CLEC17A: variants seen among roughly 807,000 people sequenced by gnomAD.
The protein encoded by CLEC17A is C-type lectin domain containing 17A.
Under a neutral mutation model 61.3 loss-of-function variants are expected in CLEC17A, and 37 were observed. The observed-to-expected ratio is 0.60, with a 90% CI of 0.46 to 0.79. The LOEUF (loss-of-function observed/expected upper bound fraction) is 0.79, where lower values mean the gene tolerates loss of function less well. Ranked by LOEUF, CLEC17A falls within the 30% of genes least tolerant of loss-of-function variation. The pLI is 0.00. For synonymous variants in CLEC17A, 168 were observed against 164.9 expected (o/e 1.02, Z -0.14); for missense variants, 418 against 464.7 (o/e 0.90, Z 0.92).
chr19:14,583,764 A>T lies in CLEC17A; in HGVS notation c.121+330A>T, dbSNP rs369163953. Among the ~76,000 whole-genome samples the T allele has an allele frequency of 1.4e-4, 22 of 152,216 alleles. No homozygotes were observed. In the East Asian group the frequency reaches 2.9e-3, roughly 20 times the overall value. ...TAAGAAGAGAAGTCCAGGAGAGAAC[A>T]GTTAGGTGCAAAGTCTCTGAGTTAC... On this transcript the variant is annotated intron_variant, in intron 2 of 13. Coordinates refer to ENST00000417570, the MANE Select transcript of CLEC17A (RefSeq NM_001204118.2).
chr19:14,588,011 A>G (rs2074326757), intron 3 of CLEC17A, among the ~76,000 whole-genome samples: 1 of 152,160 alleles, frequency 6.6e-6, no homozygotes, highest in Non-Finnish European at 1.5e-5. Context: ...AGAGAAGTCC[A>G]GGAGAGAACT....
rs2075016713 is a variant in CLEC17A at position 14,610,287 on chromosome 19, A to G, written c.*91A>G. The G allele has an allele frequency of 3.3e-6, 5 of 1,501,952 alleles. No homozygotes were observed. The highest frequency in any genetic ancestry group is 4.4e-6 in the Non-Finnish European group (5 of 1,124,928). 93.0% of individuals were successfully genotyped at this position (1,501,952 alleles called of 1,614,324 possible). The stretch of plus-strand genomic sequence containing the variant: ...TCGTGGACGGCCTTGCCTCTTCGTG[A>G]GTGGACACACAGATGTGCCTCAAAC... On this transcript the variant is annotated 3_prime_UTR_variant, in exon 14 of 14. Coordinates refer to ENST00000417570, the MANE Select transcript of CLEC17A (RefSeq NM_001204118.2).
intron 12 of CLEC17A, among the ~76,000 whole-genome samples, chr19:14,601,170 G>A (rs551681590): frequency 2.0e-5 from 3 of 151,164 alleles, no homozygotes; most frequent in Admixed American, 6.6e-5. Flanking sequence ...CCCAAAGTGC[G>A]GGGATTATAG....
At chr19:14,597,537 G>A (rs1416489003) in intron 10 of CLEC17A, among the ~76,000 whole-genome samples, 3 of 152,128 alleles carry the variant, frequency 2.0e-5, no homozygotes, top group South Asian at 2.1e-4. Flanking sequence ...CCAGAAGTTC[G>A]AGACCCGACT....
At position 14,587,690 on chromosome 19, in the gene CLEC17A, A is replaced by C; in HGVS notation, c.198A>C (p.Pro66=). The part of the protein sequence containing the change: ...TPPYKDLPPK[P]GTMEEEEEDD... ...CCTACAAGGACCTTCCTCCCAAGCCAGGTAAGAGGACTTTTTGGAGTGTGA... is the reference window on the plus strand; with the variant it reads ...CCTACAAGGACCTTCCTCCCAAGCCCGGTAAGAGGACTTTTTGGAGTGTGA... The change falls in exon 3 of 14, where the codon CCA becomes CCC. Residue 66 remains proline (P), a splice_region_variant and synonymous_variant. Transcript: ENST00000417570. 1 of 1,608,420 alleles carries C rather than the reference A, an allele frequency of 6.2e-7. No individual in the cohort carries two copies. Among genetic ancestry groups the C allele is most frequent in the Non-Finnish European group, 8.5e-7 (1 of 1,177,392 alleles).
intron 2 of CLEC17A, among the ~76,000 whole-genome samples, chr19:14,583,929 G>T (rs1226861067): frequency 6.6e-6 from 1 of 151,978 alleles, no homozygotes; most frequent in African/African-American, 2.4e-5. Context: ...CTGATAAGTG[G>T]TTGTTAAAGT....
intron 10 of CLEC17A, 60 bp from the exon 11 acceptor site, chr19:14,599,657 G>A (rs765515180): frequency 1.7e-5 from 20 of 1,200,300 alleles, no homozygotes; most frequent in South Asian, 3.7e-5. Context: ...TCTGCAGTCC[G>A]TGGTGGATGG....
chr19:14,609,745 G>A (rs1295351776), intron 13 of CLEC17A, among the ~76,000 whole-genome samples: 1 of 152,040 alleles, frequency 6.6e-6, no homozygotes, highest in Non-Finnish European at 1.5e-5. Flanking sequence ...GGCTGAGGCA[G>A]GAGAATTGCT....
At chr19:14,585,488 A>G (rs1297033650) in intron 2 of CLEC17A, among the ~76,000 whole-genome samples, 2 of 152,108 alleles carry the variant, frequency 1.3e-5, no homozygotes, top group South Asian at 2.1e-4. Flanking sequence ...TCTTCCCACA[A>G]TGACTCAGAG....
chr19:14,583,533 G>C (rs1023440598), intron 2 of CLEC17A, 99 bp downstream of exon 2: 55 of 1,565,902 alleles, frequency 3.5e-5, no homozygotes, highest in African/African-American at 2.6e-4. Flanking sequence ...AGTCTCCTCT[G>C]TATCCAGCCC....
intron 13 of CLEC17A, 62 bp from the exon 14 acceptor site, chr19:14,610,002 T>C (rs897461567): frequency 1.6e-6 from 2 of 1,233,840 alleles, no homozygotes; most frequent in African/African-American, 1.5e-5. Flanking sequence ...TACAGTATTA[T>C]ACAGAAGAGT....
rs2074229795 is a variant in CLEC17A, at chr19:14,584,082, A to AG, written c.121+648_121+649insG. ...CCTATCTCTGCCAAAAAAAAAAAAAAATAGAGGTTTGGGCCGTGTGTGGTG... is the reference window on the plus strand; with the variant it reads ...CCTATCTCTGCCAAAAAAAAAAAAAAGATAGAGGTTTGGGCCGTGTGTGGTG... On this transcript the variant is annotated intron_variant, in intron 2 of 13. Coordinates refer to ENST00000417570, the MANE Select transcript of CLEC17A (RefSeq NM_001204118.2). The AG allele has an allele frequency of 1.3e-5, 2 of 148,218 alleles. 1 individual carries two copies. Among genetic ancestry groups the AG allele is most frequent in the South Asian group, 4.2e-4 (2 of 4,726 alleles). 9.2% of individuals were successfully genotyped at this position (148,218 alleles called of 1,614,324 possible).
intron 13 of CLEC17A, 90 bp downstream of exon 13, chr19:14,607,192 G>A: frequency 2.1e-6 from 1 of 484,676 alleles, no homozygotes; most frequent in Non-Finnish European, 3.2e-6. Context: ...CATGGTTGAA[G>A]GAGTCAGGAG....
intron 2 of CLEC17A, among the ~76,000 whole-genome samples, chr19:14,584,648 G>T (rs2074245629): frequency 2.0e-5 from 3 of 152,038 alleles, no homozygotes; most frequent in Non-Finnish European, 4.4e-5. Flanking sequence ...TGAGGTAGGA[G>T]GTGACCTGTG....
chr19:14,586,130 T>A (rs1223600347), intron 2 of CLEC17A, among the ~76,000 whole-genome samples: 1 of 150,910 alleles, frequency 6.6e-6, no homozygotes, highest in East Asian at 1.9e-4. Context: ...TACTTTTTTT[T>A]TTTTTTTTTC....
chr19:14,596,556 C>A (rs900156276), intron 8 of CLEC17A, among the ~76,000 whole-genome samples: 1 of 152,084 alleles, frequency 6.6e-6, no homozygotes, highest in African/African-American at 2.4e-5. Flanking sequence ...ATTGCTTGAG[C>A]CCAGGCATTA....
At chr19:14,609,299 G>T (rs939336371) in intron 13 of CLEC17A, among the ~76,000 whole-genome samples, 1 of 152,078 alleles carries the variant, frequency 6.6e-6, no homozygotes. Flanking sequence ...TCTCTGTTGG[G>T]GTCAGGCTGA....
chr19:14,587,970 G>T (rs2074325673), intron 3 of CLEC17A, among the ~76,000 whole-genome samples: 1 of 152,080 alleles, frequency 6.6e-6, no homozygotes, highest in African/African-American at 2.4e-5. Flanking sequence ...TTTGGGGTGA[G>T]ACTTGAGGGA....
chr19:14,590,286 A>G (rs1404326906), intron 3 of CLEC17A, among the ~76,000 whole-genome samples: 1 of 151,890 alleles, frequency 6.6e-6, no homozygotes, highest in Non-Finnish European at 1.5e-5. Context: ...ACCTCGCTAC[A>G]TTAGCTTTTA....
Sources: allele counts gnomAD v4.1 joint callset (sites outside exome capture counted in the v4.1 genomes callset), GRCh38; gene constraint gnomAD v4.1.1; transcripts MANE v1.5; gene names NCBI Gene and HGNC (gene_info 2026-07-23, HGNC 2026-07-21).